Variants in ACAD11 observed in about 807,000 individuals in gnomAD.
ACAD11 encodes the protein acyl-Coenzyme A dehydrogenase family, member 11.
Under a neutral mutation model 102.2 loss-of-function variants are expected in ACAD11, and 83 were observed. That is an observed-to-expected ratio of 0.81 (90% CI 0.68 to 0.97). The LOEUF (loss-of-function observed/expected upper bound fraction) is 0.97, where lower values mean the gene tolerates loss of function less well. Among genes scored for constraint, ACAD11 ranks in the 50% least tolerant of loss-of-function variants. The pLI, the probability that ACAD11 is intolerant of heterozygous loss-of-function variation, is 0.00. For synonymous variants in ACAD11, 324 were observed against 319.8 expected (o/e 1.01, Z -0.14); for missense variants, 901 against 951.7 (o/e 0.95, Z 0.70).
chr3:132,654,917 C>CA (rs1440179158), intron 1 of ACAD11, among the ~76,000 whole-genome samples: 1 of 152,206 alleles, frequency 6.6e-6, no homozygotes, highest in African/African-American at 2.4e-5. Context: ...CGATAGGACA[C>CA]ACCTGAGCTC....
chr3:132,641,913 A>C, intron 4 of ACAD11, 59 bp downstream of exon 4: 1 of 1,452,550 alleles, frequency 6.9e-7, no homozygotes, highest in Non-Finnish European at 9.3e-7. Context: ...TTTGTTGACT[A>C]ATAAGGTATA....
intron 11 of ACAD11, among the ~76,000 whole-genome samples, chr3:132,609,225 A>G (rs968892520): frequency 1.3e-5 from 2 of 152,190 alleles, no homozygotes; most frequent in Non-Finnish European, 1.5e-5. Flanking sequence ...CATCACAATT[A>G]AAAGAACTAG....
chr3:132,573,166 T>A (rs966349751), intron 17 of ACAD11, among the ~76,000 whole-genome samples: 1 of 152,104 alleles, frequency 6.6e-6, no homozygotes, highest in Non-Finnish European at 1.5e-5. Context: ...CACTTATGAG[T>A]GAGAACATGC....
At chr3:132,602,501 A>C (rs1346073293) in intron 13 of ACAD11, among the ~76,000 whole-genome samples, 2 of 152,196 alleles carry the variant, frequency 1.3e-5, no homozygotes, top group Non-Finnish European at 2.9e-5. Context: ...ATTTTTGAGT[A>C]ATAAAAATAT....
At chr3:132,624,947 A>G (rs1362053677) in intron 9 of ACAD11, among the ~76,000 whole-genome samples, 1 of 152,130 alleles carries the variant, frequency 6.6e-6, no homozygotes, top group Non-Finnish European at 1.5e-5. Flanking sequence ...GCCCTCCCAC[A>G]GTGCCGGGAT....
chr3:132,654,871 C>A (rs1937698827), intron 1 of ACAD11, among the ~76,000 whole-genome samples: 1 of 152,216 alleles, frequency 6.6e-6, no homozygotes, highest in Non-Finnish European at 1.5e-5. Flanking sequence ...AACTTCTCAG[C>A]TGGTTGGAGT....
chr3:132,615,550 A>G (rs561736534), intron 11 of ACAD11, among the ~76,000 whole-genome samples: 2 of 152,306 alleles, frequency 1.3e-5, no homozygotes, highest in African/African-American at 2.4e-5. Context: ...GCTGGAAACC[A>G]TCATTCTCAG....
chr3:132,564,225 T>C (rs900727626), intron 17 of ACAD11, among the ~76,000 whole-genome samples: 10 of 152,312 alleles, frequency 6.6e-5, no homozygotes, highest in South Asian at 6.2e-4. Context: ...TGCATCTATA[T>C]TGGTCTATGG....
At chr3:132,613,430 A>G in intron 11 of ACAD11, among the ~76,000 whole-genome samples, 1 of 64 alleles carries the variant, frequency 0.016, no homozygotes, top group South Asian at 0.5. Context: ...CAAACAAACA[A>G]AAAAAGAAAA....
At chr3:132,610,763 G>A (rs1328582070) in intron 11 of ACAD11, among the ~76,000 whole-genome samples, 3 of 152,124 alleles carry the variant, frequency 2.0e-5, no homozygotes, top group Non-Finnish European at 4.4e-5. Context: ...TCCAGGACCA[G>A]ATGGATTCAC....
chr3:132,576,854 G>T, intron 16 of ACAD11, 90 bp downstream of exon 16: 1 of 935,196 alleles, frequency 1.1e-6, no homozygotes, highest in Non-Finnish European at 1.7e-6. Flanking sequence ...GTAGACTTCA[G>T]GTCTAAATCT....
intron 17 of ACAD11, among the ~76,000 whole-genome samples, chr3:132,574,034 A>T (rs557246715): frequency 6.6e-6 from 1 of 152,364 alleles, no homozygotes; most frequent in South Asian, 2.1e-4. Context: ...CAGTGAAAAC[A>T]GGCATATTTG....
intron 13 of ACAD11, among the ~76,000 whole-genome samples, chr3:132,593,889 G>C (rs1938189235): frequency 6.6e-6 from 1 of 152,174 alleles, no homozygotes; most frequent in African/African-American, 2.4e-5. Flanking sequence ...AAGTAGAAGA[G>C]AGCTAAAGAA....
At chr3:132,561,322 A>G (rs561192902) in intron 17 of ACAD11, 105 bp from the exon 18 acceptor site, 1 of 830,614 alleles carries the variant, frequency 1.2e-6, no homozygotes, top group South Asian at 1.4e-5. Context: ...TCTAAGCCAG[A>G]GATTGTTCAC....
chr3:132,625,308 T>C (rs1939770133), intron 9 of ACAD11, among the ~76,000 whole-genome samples: 1 of 152,202 alleles, frequency 6.6e-6, no homozygotes, highest in Non-Finnish European at 1.5e-5. Flanking sequence ...AAAACCTTAA[T>C]TCCTCTGATA....
At chr3:132,577,309 G>GT (rs1221360512) in intron 15 of ACAD11, among the ~76,000 whole-genome samples, 3 of 152,086 alleles carry the variant, frequency 2.0e-5, no homozygotes, top group Non-Finnish European at 1.5e-5. Context: ...TCCAGCCAGA[G>GT]TATTTTATTT....
rs577544453 is a variant in ACAD11 at position 132,591,517 on chromosome 3, C to T, written c.1621+11712G>A. ...TTCCTTTGAACCCTGGTCTAAAGCC[C>T]TCTTTTTCGAATATTCAGAATATAT... On this transcript the variant is annotated intron_variant, in intron 13 of 19. Coordinates refer to ENST00000264990, the MANE Select transcript of ACAD11 (RefSeq NM_032169.5). Among the ~76,000 whole-genome samples the T allele has an allele frequency of 9.2e-5, 14 of 152,280 alleles. No individual in the cohort carries two copies. The South Asian group carries it at 2.9e-3, about 32-fold the overall frequency.
intron 16 of ACAD11, 102 bp from the exon 17 acceptor site, chr3:132,576,028 A>C: frequency 2.2e-6 from 3 of 1,382,060 alleles, no homozygotes; most frequent in Non-Finnish European, 2.9e-6. Context: ...GCCCTTAATA[A>C]AAATGGCTTT....
rs111926832 is a variant in ACAD11 at position 132,609,369 on chromosome 3, G to A, written c.1415-4164C>T. ...ATCCAGGAGCTGTTTTTTTGAAAAG[G>A]TTAACTAAATACACCACTAGCCAGA... On this transcript the variant is annotated intron_variant, in intron 11 of 19. Coordinates refer to ENST00000264990, the MANE Select transcript of ACAD11 (RefSeq NM_032169.5). 1.7e-3 allele frequency among the ~76,000 whole-genome samples: 263 copies of A among 151,688 alleles called. 3 individuals are homozygous for A. The highest frequency in any genetic ancestry group is 5.6e-3 in the African/African-American group (232 of 41,408).
Sources: gnomAD v4.1 joint callset for allele counts (sites outside exome capture counted in the v4.1 genomes callset) on GRCh38, gnomAD v4.1.1 for gene constraint, MANE v1.5 for transcripts, NCBI Gene and HGNC (gene_info 2026-07-23, HGNC 2026-07-21) for gene names.